Variants in NSD2 observed in about 807,000 individuals in gnomAD.
The protein encoded by NSD2 is nuclear receptor binding SET domain protein 2, also known as histone-lysine N-methyltransferase NSD2.
In NSD2, 12 loss-of-function variants were observed where a neutral mutation model predicts 139.0. The ratio of observed to expected loss-of-function variants is 0.09; its 90% CI spans 0.06 to 0.14. NSD2 has a LOEUF of 0.14. Ranked by LOEUF, NSD2 falls within the 10% of genes least tolerant of loss-of-function variation. The pLI, the probability that NSD2 is intolerant of heterozygous loss-of-function variation, is 1.00. For missense variants in NSD2, 1,155 were observed against 1,745.0 expected, an observed-to-expected ratio of 0.66 and a Z score of 6.02; for synonymous variants, 669 against 648.7, an observed-to-expected ratio of 1.03 and a Z score of -0.48.
At chr4:1,872,591 TGAGAGAGAGAGAGAGA>T (rs1200688066) in intron 1 of NSD2, among the ~76,000 whole-genome samples, 886 of 44,912 alleles carry the variant, frequency 0.02, 11 homozygotes, top group African/African-American at 0.031. Context: ...TGTGTGTGTG[TGAGAGAGAGAGAGAGA>T]GAGAGAGAGA....
intron 9 of NSD2, chr4:1,943,567 CT>C: frequency 1.9e-6 from 2 of 1,050,496 alleles, no homozygotes. Context: ...GTGTGTGGCG[CT>C]TTAGGGTGCT....
At position 1,980,067 on chromosome 4, in the gene NSD2, G is replaced by C. The variant is rs781136611; in HGVS notation, c.*1158G>C. On this transcript the variant is annotated 3_prime_UTR_variant, in exon 22 of 22. Coordinates refer to ENST00000508803, the MANE Select transcript of NSD2 (RefSeq NM_001042424.3). ...TCTCTGCTGATCACATGTGCCCTCT[G>C]CCAGGGCACCTACTGAGAGGTGCGG... 1 of 233,184 alleles carries C rather than the reference G, an allele frequency of 4.3e-6. No homozygotes were observed. The highest frequency in any genetic ancestry group is 5.6e-5 in the Admixed American group (1 of 17,784). 14.4% of individuals were successfully genotyped at this position (233,184 alleles called of 1,614,324 possible). A position where few individuals can be genotyped will look rare whatever the true frequency, so the allele number is the denominator to read the frequency against.
chr4:1,885,701 G>A (rs900109301), intron 1 of NSD2, among the ~76,000 whole-genome samples: 1 of 151,806 alleles, frequency 6.6e-6, no homozygotes, highest in African/African-American at 2.4e-5. Context: ...CTCAGGAGCT[G>A]TTACTGCCTC....
intron 3 of NSD2, among the ~76,000 whole-genome samples, chr4:1,905,897 GAA>G (rs1001121453): frequency 8.5e-5 from 13 of 152,158 alleles, no homozygotes; most frequent in Admixed American, 5.2e-4. Context: ...GTCAGTGTAT[GAA>G]AAAATAAATG....
In NSD2 at chr4:1,975,011, G is replaced by A; in HGVS notation, c.3514+7G>A. On this transcript the variant is annotated splice_region_variant and intron_variant, in intron 19 of 21. Coordinates refer to ENST00000508803, the MANE Select transcript of NSD2 (RefSeq NM_001042424.3). ...GTCTGTGACATTCCTGCAGGTACAAGCTCTGGGGACCCTGCATGGGGCTCC... is the reference window on the plus strand; with the variant it reads ...GTCTGTGACATTCCTGCAGGTACAAACTCTGGGGACCCTGCATGGGGCTCC... 6.2e-7 allele frequency: 1 copy of A among 1,614,140 alleles called. No individual in the cohort carries two copies. The highest frequency in any genetic ancestry group is 2.2e-5 in the East Asian group (1 of 44,874).
At chr4:1,927,132 C>T (rs1424585970) in intron 5 of NSD2, among the ~76,000 whole-genome samples, 1 of 152,190 alleles carries the variant, frequency 6.6e-6, no homozygotes, top group African/African-American at 2.4e-5. Context: ...AGGCCTCGGT[C>T]CTTCACCATG....
chr4:1,902,315 C>T (rs1223597163), intron 2 of NSD2, among the ~76,000 whole-genome samples: 4 of 152,070 alleles, frequency 2.6e-5, no homozygotes, highest in Admixed American at 1.3e-4. Context: ...GCCTTGACCT[C>T]CCAGGCTTAG....
rs182647449 is a variant in NSD2 at position 1,973,702 on chromosome 4, T to G, written c.3373-1161T>G. On this transcript the variant is annotated intron_variant, in intron 18 of 21. Coordinates refer to ENST00000508803, the MANE Select transcript of NSD2 (RefSeq NM_001042424.3). The surrounding 1 kb of genome is among the most constrained non-coding windows in gnomAD (Gnocchi z 5.5). ...GCACCAGGGCTGGGTGCGTGGGCAG[T>G]TGTGTCAGAGGCCGCGTGTGAATAG... Among the ~76,000 whole-genome samples, 1,010 of 152,344 alleles carry G rather than the reference T, an allele frequency of 6.6e-3. 11 individuals are homozygous for G. The highest frequency in any genetic ancestry group is 0.023 in the African/African-American group (969 of 41,584).
At chr4:1,894,491 G>A (rs1715977436) in intron 1 of NSD2, among the ~76,000 whole-genome samples, 1 of 151,936 alleles carries the variant, frequency 6.6e-6, no homozygotes, top group African/African-American at 2.4e-5. Context: ...TGGGCAATGT[G>A]GTGAAACCCC....
chr4:1,872,231 G>A (rs1474032156), intron 1 of NSD2, among the ~76,000 whole-genome samples: 1 of 152,110 alleles, frequency 6.6e-6, no homozygotes, highest in East Asian at 1.9e-4. Flanking sequence ...CTGCTGGGGG[G>A]CTGCGCGCCC....
rs139615238 is a variant in NSD2, at chr4:1,936,593, G to C, written c.1674+1331G>C. Among the ~76,000 whole-genome samples the C allele has an allele frequency of 4.2e-3, 629 of 151,156 alleles. 3 individuals carry two copies. Among genetic ancestry groups the C allele is most frequent in the African/African-American group, 0.015 (601 of 41,042 alleles). ...TGAGGCAGGAGAATCACTTGAACCT[G>C]GGAGGCGGAGGTTGCAGTGAGCTGA... is the stretch of plus-strand genomic sequence containing the variant. On this transcript the variant is annotated intron_variant, in intron 7 of 21. Transcript: ENST00000508803.
chr4:1,954,857 G>A (rs1372734725), intron 12 of NSD2, among the ~76,000 whole-genome samples: 1 of 152,172 alleles, frequency 6.6e-6, no homozygotes, highest in Non-Finnish European at 1.5e-5. Flanking sequence ...TGTGCTCCTG[G>A]CATCTAGTGA....
chr4:1,954,832 G>A (rs977725108), intron 12 of NSD2: 4 of 225,274 alleles, frequency 1.8e-5, no homozygotes, highest in Non-Finnish European at 3.5e-5. Context: ...GCAATGTCTG[G>A]GGATATTTTG....
intron 9 of NSD2, chr4:1,943,912 C>T: frequency 9.4e-7 from 1 of 1,063,828 alleles, no homozygotes; most frequent in Non-Finnish European, 1.1e-6. Flanking sequence ...TAGCCCATAA[C>T]TGATAGATGC....
At chr4:1,880,734 G>A (rs185893904) in intron 1 of NSD2, among the ~76,000 whole-genome samples, 19 of 152,226 alleles carry the variant, frequency 1.2e-4, no homozygotes, top group Admixed American at 1.1e-3. Context: ...AGAAATGTGG[G>A]AAACTATAAG....
In NSD2 at chr4:1,938,495, G is replaced by A. The variant is rs754736806; in HGVS notation, c.1719G>A (p.Lys573=). The change falls in exon 8 of 22, where the codon AAG becomes AAA. Residue 573 remains lysine (K), a synonymous_variant. Transcript: ENST00000508803. ...AAACGGCCAGAACAAGCTCTTACAA[G>A]GCCATGGAGGCAGCCTCCTCGCTCA... is the stretch of plus-strand genomic sequence containing the variant. ...TDKTARTSSY[K]AMEAASSLKS... is the part of the protein sequence containing the mutation. 3 of 1,551,386 alleles carry A rather than the reference G, an allele frequency of 1.9e-6. No homozygotes were observed. The highest frequency in any genetic ancestry group is 2.6e-6 in the Non-Finnish European group (3 of 1,149,218).
chr4:1,979,083 T>C lies in NSD2; in HGVS notation c.*174T>C, dbSNP rs909376382. On this transcript the variant is annotated 3_prime_UTR_variant, in exon 22 of 22. Transcript: ENST00000508803. ...CACCACTGAGCCATCCTCAGCAGCG[T>C]CCGCTGCGTCTGCACTGATGACCGT... The C allele has an allele frequency of 7.9e-6, 6 of 757,580 alleles. No homozygotes were observed. Among genetic ancestry groups the C allele is most frequent in the Non-Finnish European group, 1.2e-5 (6 of 508,076 alleles). The allele number at this position is 757,580 out of a possible 1,614,324, so 46.9% of individuals were successfully genotyped here.
rs781693360 is a variant in NSD2, at chr4:1,918,401, C to T, written c.1188C>T (p.Pro396=). 8 of 1,613,960 alleles carry T rather than the reference C, an allele frequency of 5.0e-6. No individual in the cohort carries two copies. The highest frequency in any genetic ancestry group is 6.8e-6 in the Non-Finnish European group (8 of 1,180,038). Residue 396 remains proline, a synonymous_variant, in exon 5 of 22, where the codon CCC becomes CCT. Transcript: ENST00000508803. The part of the protein sequence containing the change: ...NPKSVREECI[P]MKRRRRAKLC... ...AGTCTGTGAGAGAAGAGTGCATTCC[C>T]ATGAAGAGAAGGCGGAGGGCCAAAC...
At chr4:1,943,920 T>C in intron 9 of NSD2, 6 of 1,063,922 alleles carry the variant, frequency 5.6e-6, no homozygotes, top group Non-Finnish European at 6.8e-6. Flanking sequence ...AACTGATAGA[T>C]GCATTAGAAG....
Sources: allele counts gnomAD v4.1 joint callset (sites outside exome capture counted in the v4.1 genomes callset), GRCh38; gene constraint gnomAD v4.1.1; non-coding constraint Gnocchi (gnomAD v3.1); transcripts MANE v1.5; gene names NCBI Gene and HGNC (gene_info 2026-07-23, HGNC 2026-07-21).